Variants in MIB1 observed in about 807,000 individuals in gnomAD.
MIB1 encodes E3 ubiquitin-protein ligase MIB1.
Under a neutral mutation model 124.5 loss-of-function variants are expected in MIB1, and 278 were observed. That is an observed-to-expected ratio of 2.23 (90% CI 2.02 to 2.47). The LOEUF is 2.47. Ranked by LOEUF, MIB1 falls within the 30% of genes most tolerant of loss-of-function variation. The pLI is 0.00. For synonymous variants in MIB1, 446 were observed against 429.4 expected (o/e 1.04, Z -0.48); for missense variants, 957 against 1,254.4 (o/e 0.76, Z 3.58).
chr18:21,796,888 A>G (rs1324532180), intron 7 of MIB1, among the ~76,000 whole-genome samples: 2 of 152,228 alleles, frequency 1.3e-5, no homozygotes, highest in Non-Finnish European at 2.9e-5. Context: ...TATTAAAACT[A>G]CACCAATTAG....
chr18:21,843,077 T>C, intron 13 of MIB1, 54 bp from the exon 14 acceptor site: 4 of 1,301,548 alleles, frequency 3.1e-6, no homozygotes, highest in Non-Finnish European at 4.4e-6. Context: ...ATAGTTTTCA[T>C]GTTCTTTACT....
intron 1 of MIB1, among the ~76,000 whole-genome samples, chr18:21,735,496 G>A (rs10083963): frequency 0.46 from 68,957 of 150,662 alleles, 19,170 homozygotes; most frequent in African/African-American, 0.79. Flanking sequence ...TTCATACCCC[G>A]GTGGCATCTG....
intron 13 of MIB1, among the ~76,000 whole-genome samples, chr18:21,840,042 A>C (rs2042068514): frequency 6.6e-6 from 1 of 152,220 alleles, no homozygotes; most frequent in South Asian, 2.1e-4. Context: ...CAACAGAGCG[A>C]GACCCAGTCA....
chr18:21,819,089 G>A (rs757730903), intron 11 of MIB1, among the ~76,000 whole-genome samples: 7 of 152,116 alleles, frequency 4.6e-5, no homozygotes, highest in Admixed American at 2.0e-4. Flanking sequence ...CCTGGCTGGA[G>A]TGCAGTGGCA....
chr18:21,843,545 T>C (rs10163822), intron 14 of MIB1, among the ~76,000 whole-genome samples: 4,761 of 152,308 alleles, frequency 0.031, 246 homozygotes, highest in African/African-American at 0.11. Flanking sequence ...ATGTCAACTG[T>C]GCATTTTTAT....
intron 12 of MIB1, among the ~76,000 whole-genome samples, chr18:21,835,801 C>CACACACA (rs1555695315): frequency 2.0e-5 from 2 of 101,582 alleles, no homozygotes; most frequent in East Asian, 2.9e-4. Context: ...ATATATATAT[C>CACACACA]CACACACACA....
At chr18:21,735,759 G>C (rs1446608713) in intron 1 of MIB1, among the ~76,000 whole-genome samples, 1 of 152,216 alleles carries the variant, frequency 6.6e-6, no homozygotes, top group African/African-American at 2.4e-5. Context: ...AAAGCTGCCG[G>C]AAGTTCGAAC....
rs750841132 is a variant in MIB1, at chr18:21,835,848, C to CACAT, written c.1830-2517_1830-2516insACAT. ...ACACACACACACACACAAACACACA[C>CACAT]GAGGAGTATTGGGAAAGAGGAGGGG... On this transcript the variant is annotated intron_variant, in intron 12 of 20. Transcript: ENST00000261537. 3.0e-3 allele frequency among the ~76,000 whole-genome samples: 378 copies of CACAT among 125,886 alleles called. 1 individual carries two copies. The highest frequency in any genetic ancestry group is 5.1e-3 in the Non-Finnish European group (285 of 56,424). The allele number at this position is 125,886 out of a possible 152,430, so 82.6% of individuals were successfully genotyped here. A position where few individuals can be genotyped will look rare whatever the true frequency, so the allele number is the denominator to read the frequency against.
chr18:21,849,271 A>C lies in MIB1; in HGVS notation c.2469A>C (p.Ser823=). 1 of 1,612,880 alleles carries C rather than the reference A, an allele frequency of 6.2e-7. No individual in the cohort carries two copies. The highest frequency in any genetic ancestry group is 8.5e-7 in the Non-Finnish European group (1 of 1,179,132). ...SETLEECMVC[S]DMKRDTLFGP... ...CCTTAGAAGAGTGTATGGTGTGCTC[A>C]GATATGAAGAGAGATACTCTTTTTG... The change falls in exon 17 of 21, where the codon TCA becomes TCC. Residue 823 remains serine, a synonymous_variant. Coordinates refer to ENST00000261537, the MANE Select transcript of MIB1 (RefSeq NM_020774.4).
At position 21,754,736 on chromosome 18, in the gene MIB1, T is replaced by C. The variant is rs148043974; in HGVS notation, c.230-11036T>C. Reference sequence around the variant, plus strand: ...TTGTGAAGAAAGTAAAAGAAATTCATGTTAGTTTTGCTGTCACATCTTAAA... The same window carrying C: ...TTGTGAAGAAAGTAAAAGAAATTCACGTTAGTTTTGCTGTCACATCTTAAA... On this transcript the variant is annotated intron_variant, in intron 1 of 20. Transcript: ENST00000261537. 3.9e-5 allele frequency among the ~76,000 whole-genome samples: 6 copies of C among 152,364 alleles called. No homozygotes were observed. The Middle Eastern group carries it at 0.01, about 259-fold the overall frequency.
At chr18:21,840,401 C>G (rs141315386) in intron 13 of MIB1, among the ~76,000 whole-genome samples, 38 of 151,672 alleles carry the variant, frequency 2.5e-4, no homozygotes, top group African/African-American at 8.5e-4. Flanking sequence ...TATCCGTATA[C>G]CAAAAACAAA....
Position 21,846,980 on chromosome 18 carries a change from A to AAG in MIB1, c.2251_2252dup (p.Ser751ArgfsTer17). ...ACTTGGTACCCAGGGGGCAGAGAAGAAGAGTGCAGCATCTATTGCCTGTTT... is the reference window on the plus strand; with the variant it reads ...ACTTGGTACCCAGGGGGCAGAGAAGAAGAGAGTGCAGCATCTATTGCCTGTTT... On this transcript the variant is annotated frameshift_variant, in exon 16 of 21. Transcript: ENST00000261537. LOFTEE classifies it high-confidence loss of function. 1 of 1,614,154 alleles carries AAG rather than the reference A, an allele frequency of 6.2e-7. No homozygotes were observed. The highest frequency in any genetic ancestry group is 8.5e-7 in the Non-Finnish European group (1 of 1,180,026).
intron 1 of MIB1, among the ~76,000 whole-genome samples, chr18:21,708,994 G>C (rs2040653017): frequency 6.6e-6 from 1 of 152,170 alleles, no homozygotes; most frequent in Non-Finnish European, 1.5e-5. Flanking sequence ...CAGAGAACAA[G>C]GCTTAGAAGT....
intron 7 of MIB1, among the ~76,000 whole-genome samples, chr18:21,791,900 T>G (rs1256734759): frequency 6.6e-6 from 1 of 152,216 alleles, no homozygotes; most frequent in African/African-American, 2.4e-5. Context: ...AGTGCAGCTT[T>G]CCTGATGTGG....
intron 9 of MIB1, 47 bp downstream of exon 9, chr18:21,800,021 T>C (rs2041633134): frequency 1.3e-6 from 2 of 1,501,494 alleles, no homozygotes; most frequent in Non-Finnish European, 9.2e-7. Context: ...AGTAGAATAG[T>C]ATAATGAACC....
chr18:21,804,130 T>G (rs566209322), intron 10 of MIB1, 116 bp downstream of exon 10: 1 of 727,966 alleles, frequency 1.4e-6, no homozygotes, highest in Admixed American at 2.7e-5. Flanking sequence ...AAGGCTTTTC[T>G]GATTGAAAAT....
At chr18:21,829,157 TTAC>T (rs2041955703) in intron 12 of MIB1, 1 of 414,606 alleles carries the variant, frequency 2.4e-6, no homozygotes, top group African/African-American at 2.2e-5. Context: ...AACATTCAGC[TTAC>T]TAATGTAGAG....
chr18:21,838,629 A>T (rs909217366), intron 13 of MIB1, 132 bp downstream of exon 13: 3 of 644,230 alleles, frequency 4.7e-6, no homozygotes, highest in Non-Finnish European at 7.7e-6. Context: ...GATGATGAAA[A>T]TTCAGATATA....
chr18:21,791,215 G>A (rs2041499166), intron 6 of MIB1, 159 bp from the exon 7 acceptor site: 2 of 463,606 alleles, frequency 4.3e-6, no homozygotes, highest in South Asian at 9.3e-5. Context: ...AACAAACAAT[G>A]TATCAATATA....
Sources: allele counts gnomAD v4.1 joint callset (sites outside exome capture counted in the v4.1 genomes callset), GRCh38; gene constraint gnomAD v4.1.1; transcripts MANE v1.5; gene names NCBI Gene and HGNC (gene_info 2026-07-23, HGNC 2026-07-21).